Variants in PHACTR2 observed in about 807,000 individuals in gnomAD.
PHACTR2 encodes the protein phosphatase and actin regulator 2.
PHACTR2 carries 30 observed loss-of-function variants against 76.0 expected under a neutral mutation model. The observed-to-expected ratio is 0.39, with a 90% CI of 0.30 to 0.54. The LOEUF is 0.54. Among genes scored for constraint, PHACTR2 ranks in the 20% least tolerant of loss-of-function variants. PHACTR2 has a pLI of 0.61. For synonymous variants in PHACTR2, 292 were observed against 292.5 expected (o/e 1.00, Z 0.02); for missense variants, 696 against 781.1 (o/e 0.89, Z 1.30).
In PHACTR2 at chr6:143,774,606, A is replaced by G. The variant is rs770497492; in HGVS notation, c.1589+391A>G. Among the ~76,000 whole-genome samples the G allele has an allele frequency of 2.6e-5, 4 of 152,220 alleles. No individual in the cohort carries two copies. The highest frequency in any genetic ancestry group is 4.8e-5 in the African/African-American group (2 of 41,458). ...AAACTTTATTTATTCATAAAGCTGGATTTGGCCTGCAGATCACAGTTTGCT... is the reference window on the plus strand; with the variant it reads ...AAACTTTATTTATTCATAAAGCTGGGTTTGGCCTGCAGATCACAGTTTGCT... On this transcript the variant is annotated intron_variant, in intron 8 of 12. Transcript: ENST00000440869. The surrounding 1 kb of genome is among the most constrained non-coding windows in gnomAD (Gnocchi z 5.4).
At position 143,765,613 on chromosome 6, in the gene PHACTR2, C is replaced by G. The variant is rs200488499; in HGVS notation, c.1047C>G (p.Pro349=). The change falls in exon 6 of 13, where the codon CCC becomes CCG. Residue 349 remains proline, a synonymous_variant. Coordinates refer to ENST00000440869, the MANE Select transcript of PHACTR2 (RefSeq NM_001100164.2). This position sits in a 1 kb window ranked among gnomAD's most constrained non-coding sequence, Gnocchi z 4.1. ...CTCCAGCACCTTCTCCTCTGGCCCC[C>G]CCTCTCCCTCTTGAGGATCAGTGCA... is the stretch of plus-strand genomic sequence containing the variant. ...PVAPAPSPLA[P]PLPLEDQCIT... 37 of 1,614,156 alleles carry G rather than the reference C, an allele frequency of 2.3e-5. No homozygotes were observed. The highest frequency in any genetic ancestry group is 3.3e-5 in the South Asian group (3 of 91,090).
In PHACTR2 at chr6:143,684,848, T is replaced by C. The variant is rs1777479127; in HGVS notation, c.46+6639T>C. On this transcript the variant is annotated intron_variant, in intron 1 of 12. Transcript: ENST00000440869. This position sits in a 1 kb window ranked among gnomAD's most constrained non-coding sequence, Gnocchi z 4.3. The stretch of plus-strand genomic sequence containing the variant: ...ACAACTGTACATGACCACAATGCTG[T>C]GCATAAATAATTTTTTAGACTCTTT... Among the ~76,000 whole-genome samples, 1 of 152,246 alleles carries C rather than the reference T, an allele frequency of 6.6e-6. No individual in the cohort carries two copies. The highest frequency in any genetic ancestry group is 2.1e-4 in the South Asian group (1 of 4,838).
chr6:143,769,109 A>G (rs1775032541), intron 6 of PHACTR2, among the ~76,000 whole-genome samples: 1 of 152,220 alleles, frequency 6.6e-6, no homozygotes, highest in African/African-American at 2.4e-5. Flanking sequence ...GAATACAAAT[A>G]TCAAAACTTT....
In PHACTR2 at chr6:143,749,047, A is replaced by G; in HGVS notation, c.277A>G (p.Lys93Glu). The change falls in exon 3 of 13, where the codon AAG (lysine) becomes GAG (glutamate). Residue 93 changes from lysine (K) to glutamate (E), a missense_variant. Around this residue, in one of 2 missense-constraint regions of PHACTR2, gnomAD observed 460 missense variants for 450.9 expected, o/e 1.02. Coordinates refer to ENST00000440869, the MANE Select transcript of PHACTR2 (RefSeq NM_001100164.2). ...REELIRRGVLKELPDQDGDVT... is the reference protein window; with the variant it reads ...REELIRRGVLEELPDQDGDVT... Reference sequence around the variant, plus strand: ...GGAGCTGATAAGAAGGGGAGTGCTTAAGGAATTGCCTGATCAAGGTGAGGA... The same window carrying G: ...GGAGCTGATAAGAAGGGGAGTGCTTGAGGAATTGCCTGATCAAGGTGAGGA... 1 of 1,569,152 alleles carries G rather than the reference A, an allele frequency of 6.4e-7. No individual in the cohort carries two copies. The highest frequency in any genetic ancestry group is 8.8e-7 in the Non-Finnish European group (1 of 1,139,156).
Position 143,816,834 on chromosome 6 carries a change from G to A in PHACTR2, c.1923-6840G>A, listed in dbSNP as rs1776305869. Among the ~76,000 whole-genome samples, 11 of 152,246 alleles carry A rather than the reference G, an allele frequency of 7.2e-5. No individual in the cohort carries two copies. In the South Asian group the frequency reaches 2.3e-3, roughly 31 times the overall value. On this transcript the variant is annotated intron_variant, in intron 12 of 12. Coordinates refer to ENST00000440869, the MANE Select transcript of PHACTR2 (RefSeq NM_001100164.2). This position sits in a 1 kb window ranked among gnomAD's most constrained non-coding sequence, Gnocchi z 4.5. ...TAATCCCAGCACTTTGGGAGGCTGAGGCGGGAGGATCGCTTGAGGCCAGGA... is the reference window on the plus strand; with the variant it reads ...TAATCCCAGCACTTTGGGAGGCTGAAGCGGGAGGATCGCTTGAGGCCAGGA...
Position 143,589,990 on chromosome 6 carries a change from T to C in PHACTR2, c.217+52783T>C, listed in dbSNP as rs977759309. ...AATGTGTCTAAAAATATAATGATCA[T>C]GCCCAGGTTGAATTTATTACAGAAT... is the stretch of plus-strand genomic sequence containing the variant. On this transcript the variant is annotated intron_variant, in intron 1 of 11. Coordinates refer to the PHACTR2 transcript ENST00000367584. The surrounding 1 kb of genome is among the most constrained non-coding windows in gnomAD (Gnocchi z 4.4). Among the ~76,000 whole-genome samples, 8 of 152,134 alleles carry C rather than the reference T, an allele frequency of 5.3e-5. No homozygotes were observed. The highest frequency in any genetic ancestry group is 4.4e-5 in the Non-Finnish European group (3 of 68,020).
Position 143,811,150 on chromosome 6 carries a change from T to C in PHACTR2, c.1922+4017T>C, listed in dbSNP as rs1404488229. Among the ~76,000 whole-genome samples the C allele has an allele frequency of 1.3e-5, 2 of 152,224 alleles. No individual in the cohort carries two copies. The highest frequency in any genetic ancestry group is 4.8e-5 in the African/African-American group (2 of 41,460). ...TTATTTGTGTGTATGATTCAGAAAG[T>C]AAACTAACTTTACTTTTTTCTAAAT... On this transcript the variant is annotated intron_variant, in intron 12 of 12. Transcript: ENST00000440869. This position sits in a 1 kb window ranked among gnomAD's most constrained non-coding sequence, Gnocchi z 4.1.
chr6:143,666,902 T>C (rs552814708), intron 1 of PHACTR2, among the ~76,000 whole-genome samples: 28 of 152,372 alleles, frequency 1.8e-4, no homozygotes, highest in African/African-American at 6.5e-4. Flanking sequence ...TTTGTCAATT[T>C]TGGCTTTTGT....
chr6:143,728,454 T>A (rs1778627291), intron 2 of PHACTR2, among the ~76,000 whole-genome samples: 1 of 151,982 alleles, frequency 6.6e-6, no homozygotes, highest in South Asian at 2.1e-4. Flanking sequence ...GCTCAAGTGA[T>A]CCACCAGCCT....
At position 143,608,205 on chromosome 6, in the gene PHACTR2, C is replaced by T. The variant is rs1056486591; in HGVS notation, c.-105C>T. On this transcript the variant is annotated 5_prime_UTR_variant, in exon 1 of 12. Transcript: ENST00000305766. This position sits in a 1 kb window ranked among gnomAD's most constrained non-coding sequence, Gnocchi z 4.6. ...AGTGCATGAAGTATGCTCAGTGTGCCAGCAAGGGCTGATAATCAGCAGAAG... is the reference window on the plus strand; with the variant it reads ...AGTGCATGAAGTATGCTCAGTGTGCTAGCAAGGGCTGATAATCAGCAGAAG... 84 of 1,170,604 alleles carry T rather than the reference C, an allele frequency of 7.2e-5. 2 individuals are homozygous for T. The South Asian group carries it at 9.3e-4, about 13-fold the overall frequency. The allele number at this position is 1,170,604 out of a possible 1,614,324, so 72.5% of individuals were successfully genotyped here.
intron 1 of PHACTR2, among the ~76,000 whole-genome samples, chr6:143,563,643 A>G (rs1258721015): frequency 6.6e-6 from 1 of 151,862 alleles, no homozygotes; most frequent in African/African-American, 2.4e-5. Context: ...CATAAGCATC[A>G]TATTCTCTTA....
chr6:143,805,072 T>C (rs1776034766), intron 11 of PHACTR2, among the ~76,000 whole-genome samples: 1 of 152,210 alleles, frequency 6.6e-6, no homozygotes, highest in African/African-American at 2.4e-5. Context: ...CTAGAATCCC[T>C]GCCTTCTGAC....
rs1364462917 is a variant in PHACTR2, at chr6:143,794,417, A to G, written c.1845+5507A>G. Among the ~76,000 whole-genome samples, 2 of 152,064 alleles carry G rather than the reference A, an allele frequency of 1.3e-5. No individual in the cohort carries two copies. The highest frequency in any genetic ancestry group is 2.9e-5 in the Non-Finnish European group (2 of 68,002). On this transcript the variant is annotated intron_variant, in intron 11 of 12. Transcript: ENST00000440869. This position sits in a 1 kb window ranked among gnomAD's most constrained non-coding sequence, Gnocchi z 4.1. ...TATAATTTAGCTATTAGGTTTAAAA[A>G]TGAGTTTTATTTTTAACTTTTGAGC...
Position 143,553,211 on chromosome 6 carries a change from AG to A in PHACTR2, c.217+16007del, listed in dbSNP as rs1053587193. 5.3e-5 allele frequency among the ~76,000 whole-genome samples: 8 copies of A among 152,210 alleles called. No homozygotes were observed. Among genetic ancestry groups the A allele is most frequent in the Non-Finnish European group, 7.3e-5 (5 of 68,030 alleles). On this transcript the variant is annotated intron_variant, in intron 1 of 11. Coordinates refer to the PHACTR2 transcript ENST00000367584. The surrounding 1 kb of genome is among the most constrained non-coding windows in gnomAD (Gnocchi z 4.2). ...AGCTCATAGAGACTGCAGTATAGTGAGGGTGTCAAAGATAAAGCTGGAAACT... is the reference window on the plus strand; with the variant it reads ...AGCTCATAGAGACTGCAGTATAGTGAGGTGTCAAAGATAAAGCTGGAAACT...
intron 7 of PHACTR2, 64 bp from the exon 8 acceptor site, chr6:143,773,995 G>A (rs761949316): frequency 1.4e-4 from 200 of 1,445,602 alleles, no homozygotes; most frequent in Non-Finnish European, 1.9e-4. Flanking sequence ...CATGCCATGT[G>A]TAACCTGAGT....
chr6:143,551,657 T>C (rs1003852852), intron 1 of PHACTR2, among the ~76,000 whole-genome samples: 1 of 152,104 alleles, frequency 6.6e-6, no homozygotes, highest in African/African-American at 2.4e-5. Context: ...CTAGGGAGAC[T>C]AAAGATGCTG....
At chr6:143,724,270 C>T (rs942647695) in intron 2 of PHACTR2, among the ~76,000 whole-genome samples, 1 of 151,932 alleles carries the variant, frequency 6.6e-6, no homozygotes, top group African/African-American at 2.4e-5. Flanking sequence ...TAGGTGGGAC[C>T]ACAGGTTCCC....
At position 143,775,577 on chromosome 6, in the gene PHACTR2, G is replaced by A. The variant is rs529796597; in HGVS notation, c.1589+1362G>A. ...GTAGCAGAACCAGAATTAGAATTTC[G>A]CTCCTGGGCTCTCTGCCCAATTTTC... On this transcript the variant is annotated intron_variant, in intron 8 of 12. Transcript: ENST00000440869. The surrounding 1 kb of genome is among the most constrained non-coding windows in gnomAD (Gnocchi z 4.4). Among the ~76,000 whole-genome samples, 13 of 152,232 alleles carry A rather than the reference G, an allele frequency of 8.5e-5. No homozygotes were observed. Among genetic ancestry groups the A allele is most frequent in the Admixed American group, 4.6e-4 (7 of 15,286 alleles).
intron 2 of PHACTR2, among the ~76,000 whole-genome samples, chr6:143,735,475 C>T (rs775631120): frequency 2.0e-5 from 3 of 152,046 alleles, no homozygotes; most frequent in Non-Finnish European, 4.4e-5. Flanking sequence ...CCATCTTAGC[C>T]ATTTTAGGTT....
Sources: allele counts gnomAD v4.1 joint callset (sites outside exome capture counted in the v4.1 genomes callset), GRCh38; gene constraint gnomAD v4.1.1; regional missense constraint gnomAD v4.1.1; non-coding constraint Gnocchi (gnomAD v3.1); transcripts MANE v1.5; gene names NCBI Gene and HGNC (gene_info 2026-07-23, HGNC 2026-07-21).